Variants in TMEM181 observed in about 807,000 individuals in gnomAD.
TMEM181 encodes transmembrane protein 181, also known as G protein-coupled receptor 178.
In TMEM181, 39 loss-of-function variants were observed where a neutral mutation model predicts 71.9. The observed-to-expected ratio is 0.54, with a 90% CI of 0.42 to 0.71. TMEM181 has a LOEUF of 0.71. TMEM181 is among the 30% of genes least tolerant of loss of function. The pLI is 0.00. For missense variants in TMEM181, 595 were observed against 583.0 expected (o/e 1.02, Z -0.21); for synonymous variants, 245 against 228.8 (o/e 1.07, Z -0.64).
At chr6:158,585,086 G>C (rs1156647626) in intron 4 of TMEM181, among the ~76,000 whole-genome samples, 1 of 152,192 alleles carries the variant, frequency 6.6e-6, no homozygotes, top group Non-Finnish European at 1.5e-5. Flanking sequence ...CTGAAGTGCA[G>C]GTTTTGACAT....
rs1176665309 is a variant in TMEM181, at chr6:158,633,499, T to G, written c.*1611T>G. On this transcript the variant is annotated 3_prime_UTR_variant, in exon 17 of 17. Coordinates refer to ENST00000684151, the MANE Select transcript of TMEM181 (RefSeq NM_001376852.1). ...CAATTGAGGTCCAGAAGATGATAGT[T>G]CCGCAACGCAAGCAGTACCTACTTT... The G allele has an allele frequency of 2.0e-5, 3 of 152,198 alleles. No homozygotes were observed. Among genetic ancestry groups the G allele is most frequent in the African/African-American group, 4.8e-5 (2 of 41,448 alleles). 9.4% of individuals were successfully genotyped at this position (152,198 alleles called of 1,614,324 possible). A position where few individuals can be genotyped will look rare whatever the true frequency, so the allele number is the denominator to read the frequency against.
Position 158,631,659 on chromosome 6 carries a change from A to C in TMEM181, c.1350-151A>C, listed in dbSNP as rs1786670823. On this transcript the variant is annotated intron_variant, in intron 16 of 16. Coordinates refer to ENST00000684151, the MANE Select transcript of TMEM181 (RefSeq NM_001376852.1). ...GCCCTGGGAACTGGGGGTCAGGGAG[A>C]GGAGGACGGGGTGAGCAGTAGCAGT... 4.3e-6 allele frequency: 4 copies of C among 928,834 alleles called. No homozygotes were observed. The East Asian group carries it at 1.1e-4, about 25-fold the overall frequency. The allele number at this position is 928,834 out of a possible 1,614,324, so 57.5% of individuals were successfully genotyped here.
Position 158,583,987 on chromosome 6 carries a change from T to A in TMEM181, c.202T>A (p.Ser68Thr). ...KPIQILSNPL[S>T]TYNQQLWLTC... ...AATTCAAATACTTTCAAATCCACTG[T>A]CTACATACAATCAGCAACTATGGCT... is the stretch of plus-strand genomic sequence containing the variant. The change falls in exon 4 of 17, where the codon TCT becomes ACT. Residue 68 changes from serine to threonine, a missense_variant. By Grantham distance (58) the Ser-to-Thr change is moderately conservative (BLOSUM62 1). Transcript: ENST00000684151. 6.2e-7 allele frequency: 1 copy of A among 1,611,966 alleles called. No homozygotes were observed. The highest frequency in any genetic ancestry group is 8.5e-7 in the Non-Finnish European group (1 of 1,178,926).
At chr6:158,626,192 C>CA (rs1184026609) in intron 13 of TMEM181, among the ~76,000 whole-genome samples, 1 of 152,138 alleles carries the variant, frequency 6.6e-6, no homozygotes, top group East Asian at 1.9e-4. Flanking sequence ...TGGGCTTGGT[C>CA]CTGTTGTGTC....
intron 1 of TMEM181, among the ~76,000 whole-genome samples, chr6:158,569,464 G>A (rs1298942469): frequency 6.6e-6 from 1 of 152,224 alleles, no homozygotes; most frequent in Non-Finnish European, 1.5e-5. Context: ...TGACTTGATT[G>A]TTAAACCAGG....
At chr6:158,603,495 C>T (rs182507435) in intron 6 of TMEM181, among the ~76,000 whole-genome samples, 259 of 152,158 alleles carry the variant, frequency 1.7e-3, no homozygotes, top group African/African-American at 5.8e-3. Context: ...TGACAGGCCA[C>T]GTGGCCAGTA....
At chr6:158,571,972 T>C (rs1350154370) in intron 1 of TMEM181, among the ~76,000 whole-genome samples, 2 of 152,206 alleles carry the variant, frequency 1.3e-5, no homozygotes, top group Non-Finnish European at 2.9e-5. Context: ...CTTCCCCAGC[T>C]CTCTTGTCTC....
chr6:158,542,868 GTTTTTTTT>G (rs61401561), intron 1 of TMEM181, among the ~76,000 whole-genome samples: 48 of 73,462 alleles, frequency 6.5e-4, no homozygotes, highest in Non-Finnish European at 1.9e-4. Context: ...CTCCAGAGTG[GTTTTTTTT>G]TTTTTTTTTT....
chr6:158,590,228 G>T (rs1370230654), intron 6 of TMEM181, among the ~76,000 whole-genome samples: 2 of 152,160 alleles, frequency 1.3e-5, no homozygotes, highest in African/African-American at 4.8e-5. Context: ...GTGATGAGGA[G>T]TGGGGGTTTA....
chr6:158,601,923 C>T (rs1784692578), intron 6 of TMEM181, among the ~76,000 whole-genome samples: 1 of 152,142 alleles, frequency 6.6e-6, no homozygotes. Context: ...CTGTGATCTC[C>T]ACTTGCCCAT....
At chr6:158,580,047 C>T (rs932186806) in intron 2 of TMEM181, among the ~76,000 whole-genome samples, 8 of 151,830 alleles carry the variant, frequency 5.3e-5, no homozygotes, top group Admixed American at 6.6e-5. Context: ...ATGGTTAAGA[C>T]GGGCATGGCG....
intron 2 of TMEM181, 96 bp from the exon 3 acceptor site, chr6:158,580,844 C>G: frequency 9.0e-7 from 1 of 1,112,206 alleles, no homozygotes. Context: ...AAGGTCATCT[C>G]CGTGTAATGT....
intron 15 of TMEM181, among the ~76,000 whole-genome samples, chr6:158,631,097 G>A (rs1693228961): frequency 2.0e-5 from 3 of 152,200 alleles, no homozygotes; most frequent in Non-Finnish European, 2.9e-5. Context: ...CCCACAGGCC[G>A]CCTCCCTCAG....
chr6:158,605,517 T>C (rs1004799025), intron 7 of TMEM181, among the ~76,000 whole-genome samples, 170 bp downstream of exon 7: 1 of 152,138 alleles, frequency 6.6e-6, no homozygotes, highest in African/African-American at 2.4e-5. Context: ...GATGCTGCCG[T>C]GCAAGAAAAA....
intron 1 of TMEM181, among the ~76,000 whole-genome samples, chr6:158,543,547 C>A (rs1341822018): frequency 6.6e-6 from 1 of 152,232 alleles, no homozygotes; most frequent in Non-Finnish European, 1.5e-5. Flanking sequence ...AGAGTTGTCT[C>A]CTCCTGAGGG....
chr6:158,599,943 A>G (rs1784579578), intron 6 of TMEM181, among the ~76,000 whole-genome samples: 1 of 152,188 alleles, frequency 6.6e-6, no homozygotes, highest in African/African-American at 2.4e-5. Flanking sequence ...AACATGTGGA[A>G]ATGGCTTTTC....
intron 2 of TMEM181, among the ~76,000 whole-genome samples, chr6:158,577,380 T>C (rs1254676859): frequency 6.6e-6 from 1 of 152,060 alleles, no homozygotes; most frequent in Non-Finnish European, 1.5e-5. Flanking sequence ...AATCTGAAGA[T>C]AGGACAGTGG....
At chr6:158,575,149 C>G (rs1177625257) in intron 2 of TMEM181, among the ~76,000 whole-genome samples, 4 of 152,192 alleles carry the variant, frequency 2.6e-5, no homozygotes, top group Admixed American at 2.0e-4. Flanking sequence ...TAATGTTTAA[C>G]CAAATGTCTC....
chr6:158,631,213 A>G, intron 15 of TMEM181, 110 bp from the exon 16 acceptor site: 1 of 1,108,752 alleles, frequency 9.0e-7, no homozygotes, highest in Non-Finnish European at 1.4e-6. Context: ...CAGCTCTGCG[A>G]TTTGAGTCCA....
Sources: gnomAD v4.1 joint callset for allele counts (sites outside exome capture counted in the v4.1 genomes callset) on GRCh38, gnomAD v4.1.1 for gene constraint, MANE v1.5 for transcripts, NCBI Gene and HGNC (gene_info 2026-07-23, HGNC 2026-07-21) for gene names.